Variants in TENM4 observed in about 807,000 individuals in gnomAD.
TENM4 encodes teneurin transmembrane protein 4.
In TENM4, 82 loss-of-function variants were observed where a neutral mutation model predicts 243.3. The observed-to-expected ratio is 0.34, with a 90% confidence interval of 0.28 to 0.40. TENM4 has a LOEUF of 0.40. Among genes scored for constraint, TENM4 ranks in the 10% least tolerant of loss-of-function variants. The pLI is 1.00. For synonymous variants in TENM4, 1,412 were observed against 1,456.3 expected (o/e 0.97, Z 0.69); for missense variants, 3,138 against 3,673.3 (o/e 0.85, Z 3.77).
intron 19 of TENM4, among the ~76,000 whole-genome samples, chr11:78,749,759 CT>C (rs1376133242): frequency 6.6e-6 from 1 of 152,110 alleles, no homozygotes; most frequent in African/African-American, 2.4e-5. Context: ...AATTCTAAGA[CT>C]TAGGTGGAAT....
intron 6 of TENM4, among the ~76,000 whole-genome samples, chr11:79,022,774 G>A (rs1343984412): frequency 6.6e-6 from 1 of 152,176 alleles, no homozygotes; most frequent in Non-Finnish European, 1.5e-5. Context: ...GTGGTGATAA[G>A]CATGATGAAT....
chr11:78,761,797 G>T (rs556157540), intron 18 of TENM4, among the ~76,000 whole-genome samples: 2 of 152,104 alleles, frequency 1.3e-5, no homozygotes, highest in East Asian at 3.9e-4. Flanking sequence ...CACATGACTT[G>T]CAGCCTTTGA....
chr11:78,822,744 A>T (rs886466583), intron 12 of TENM4, among the ~76,000 whole-genome samples: 79 of 152,136 alleles, frequency 5.2e-4, no homozygotes, highest in African/African-American at 1.9e-3. Context: ...TTTTTTTTTA[A>T]AAAAAGAAAA....
intron 3 of TENM4, among the ~76,000 whole-genome samples, chr11:79,175,091 C>T (rs536620864): frequency 2.0e-5 from 3 of 152,284 alleles, no homozygotes; most frequent in Admixed American, 6.5e-5. Context: ...ACTTCTTGAA[C>T]AAATACCCTA....
At chr11:79,048,510 A>C (rs2136927979) in intron 6 of TENM4, among the ~76,000 whole-genome samples, 1 of 152,258 alleles carries the variant, frequency 6.6e-6, no homozygotes, top group African/African-American at 2.4e-5. Context: ...CCAATCCTGC[A>C]CATCCTTTCT....
intron 4 of TENM4, among the ~76,000 whole-genome samples, chr11:79,088,163 C>G (rs989396302): frequency 2.6e-5 from 4 of 152,198 alleles, no homozygotes; most frequent in African/African-American, 9.7e-5. Flanking sequence ...GTGAAATGTA[C>G]CAGTCTTGGA....
rs144084261 is a variant in TENM4, at chr11:79,377,339, C to A, written c.-321+63170G>T. The stretch of plus-strand genomic sequence containing the variant: ...ATTTGTTATAGCAGCCACAGGAAAC[C>A]AATGCAGCTGGCTAGTGGATGGTTC... On this transcript the variant is annotated intron_variant, in intron 1 of 33. Coordinates refer to ENST00000278550, the MANE Select transcript of TENM4 (RefSeq NM_001098816.3). 1.5e-4 allele frequency among the ~76,000 whole-genome samples: 23 copies of A among 152,296 alleles called. No individual in the cohort carries two copies. In the East Asian group the frequency reaches 4.4e-3, roughly 29 times the overall value.
At chr11:79,035,658 G>A (rs1358825499) in intron 6 of TENM4, among the ~76,000 whole-genome samples, 1 of 152,034 alleles carries the variant, frequency 6.6e-6, no homozygotes, top group African/African-American at 2.4e-5. Context: ...TCTCAGAAAT[G>A]CCTGTGAAGC....
intron 16 of TENM4, among the ~76,000 whole-genome samples, chr11:78,779,734 C>T (rs1856805947): frequency 6.6e-6 from 1 of 152,200 alleles, no homozygotes; most frequent in African/African-American, 2.4e-5. Flanking sequence ...CCAGGCTGCA[C>T]TCCAGCCCCA....
At chr11:78,758,640 C>T (rs2135959338) in intron 18 of TENM4, among the ~76,000 whole-genome samples, 1 of 152,342 alleles carries the variant, frequency 6.6e-6, no homozygotes, top group South Asian at 2.1e-4. Flanking sequence ...GTCCCCGATC[C>T]TCCTTGCTAG....
chr11:78,766,639 A>G (rs567918038), intron 18 of TENM4, among the ~76,000 whole-genome samples: 5 of 151,998 alleles, frequency 3.3e-5, no homozygotes, highest in African/African-American at 9.7e-5. Flanking sequence ...GCCAACAACC[A>G]TACATGAAAA....
At chr11:79,154,468 T>C (rs1862565445) in intron 3 of TENM4, among the ~76,000 whole-genome samples, 1 of 152,010 alleles carries the variant, frequency 6.6e-6, no homozygotes, top group Non-Finnish European at 1.5e-5. Context: ...CATTTCAACA[T>C]GAGATTTGGA....
chr11:78,862,561 T>C (rs1591079361), intron 10 of TENM4, among the ~76,000 whole-genome samples: 3 of 152,220 alleles, frequency 2.0e-5, no homozygotes, highest in African/African-American at 7.2e-5. Context: ...TCCAAGAATC[T>C]TTCCATTACA....
chr11:79,273,186 A>G (rs1253363525), intron 2 of TENM4, among the ~76,000 whole-genome samples: 1 of 152,230 alleles, frequency 6.6e-6, no homozygotes, highest in Non-Finnish European at 1.5e-5. Context: ...TCTGCCATGC[A>G]TAATTGTTGC....
At chr11:78,855,862 G>T in intron 11 of TENM4, 102 bp downstream of exon 11, 2 of 1,102,726 alleles carry the variant, frequency 1.8e-6, no homozygotes, top group African/African-American at 1.6e-5. Context: ...ATATATAAAT[G>T]TCCCTTCAGG....
chr11:78,763,204 C>T (rs1344495620), intron 18 of TENM4, among the ~76,000 whole-genome samples: 1 of 152,188 alleles, frequency 6.6e-6, no homozygotes, highest in Non-Finnish European at 1.5e-5. Context: ...TGGGAAATAA[C>T]TTTTTTCCCG....
chr11:79,029,265 G>A (rs879684189), intron 6 of TENM4, among the ~76,000 whole-genome samples: 2 of 152,080 alleles, frequency 1.3e-5, no homozygotes, highest in Non-Finnish European at 2.9e-5. Flanking sequence ...AAAGTCTAGC[G>A]GAGAGCTAAT....
intron 4 of TENM4, among the ~76,000 whole-genome samples, chr11:79,113,209 T>A (rs1591292119): frequency 6.6e-6 from 1 of 151,816 alleles, no homozygotes; most frequent in East Asian, 1.9e-4. Context: ...GGGTCAGGGA[T>A]ATAAGCTGGA....
At position 78,812,305 on chromosome 11, in the gene TENM4, C is replaced by T. The variant is rs374785058; in HGVS notation, c.1795G>A (p.Val599Met). 73 of 1,551,520 alleles carry T rather than the reference C, an allele frequency of 4.7e-5. No homozygotes were observed. Among genetic ancestry groups the T allele is most frequent in the South Asian group, 7.1e-5 (6 of 84,058 alleles). ...GPDCGRASCP[V>M]LCSGNGQYMK... The stretch of plus-strand genomic sequence containing the variant: ...TATTGGCCATTTCCGCTACAGAGCA[C>T]GGGGCAGGAGGCTGGGGAGACAGCA... The change falls in exon 14 of 34, where the codon GTG (valine) becomes ATG (methionine). Residue 599 changes from valine to methionine, a missense_variant. By Grantham distance (21) the Val-to-Met change is conservative. Transcript: ENST00000278550.
Sources: allele counts gnomAD v4.1 joint callset (sites outside exome capture counted in the v4.1 genomes callset), GRCh38; gene constraint gnomAD v4.1.1; transcripts MANE v1.5; gene names NCBI Gene and HGNC (gene_info 2026-07-23, HGNC 2026-07-21).